Variants in STK32B observed in about 807,000 individuals in gnomAD.
STK32B encodes serine/threonine-protein kinase 32B.
Under a neutral mutation model 52.6 loss-of-function variants are expected in STK32B, and 43 were observed. That is an observed-to-expected ratio of 0.82 (90% CI 0.64 to 1.05). The LOEUF is 1.05. Ranked by LOEUF, STK32B falls within the 50% of genes least tolerant of loss-of-function variation. The pLI, the probability that STK32B is intolerant of heterozygous loss-of-function variation, is 0.00. For missense variants in STK32B, 621 were observed against 534.6 expected (o/e 1.16, Z -1.59); for synonymous variants, 238 against 204.3 (o/e 1.17, Z -1.41).
At chr4:5,022,803 G>A in the STK32B span, among the ~76,000 whole-genome samples, 1 of 152,066 alleles carries the variant, frequency 6.6e-6, no homozygotes, top group Non-Finnish European at 1.5e-5. Context: ...CACTGAGATG[G>A]GTGAAAAGAC....
chr4:5,297,243 C>T (rs1193035763), intron 3 of STK32B, among the ~76,000 whole-genome samples: 2 of 152,198 alleles, frequency 1.3e-5, no homozygotes, highest in African/African-American at 2.4e-5. Context: ...GTGAATCTGA[C>T]GATTGTATGT....
intron 3 of STK32B, among the ~76,000 whole-genome samples, chr4:5,284,783 A>C (rs1386511796): frequency 6.6e-6 from 1 of 152,188 alleles, no homozygotes; most frequent in African/African-American, 2.4e-5. Flanking sequence ...CTTTCCAGTA[A>C]ATTGCGTATC....
intron 4 of STK32B, among the ~76,000 whole-genome samples, chr4:5,354,252 G>T (rs1020844844): frequency 6.6e-6 from 1 of 152,108 alleles, no homozygotes; most frequent in Non-Finnish European, 1.5e-5. Context: ...GATTGCAGGG[G>T]GTGAAGAAAA....
At chr4:5,307,616 C>G (rs1730014678) in intron 3 of STK32B, among the ~76,000 whole-genome samples, 1 of 146,830 alleles carries the variant, frequency 6.8e-6, no homozygotes, top group Non-Finnish European at 1.5e-5. Flanking sequence ...AATAATTGAT[C>G]TGCTGAATCC....
chr4:5,337,162 A>AT (rs901550207), intron 4 of STK32B, among the ~76,000 whole-genome samples: 27 of 140,382 alleles, frequency 1.9e-4, no homozygotes, highest in South Asian at 6.8e-4. Flanking sequence ...TTTTTTTTGT[A>AT]TTTTTTTGTA....
At chr4:5,146,371 A>C (rs1005719271) in intron 2 of STK32B, among the ~76,000 whole-genome samples, 19 of 152,338 alleles carry the variant, frequency 1.2e-4, no homozygotes, top group African/African-American at 4.6e-4. Context: ...TGTAAGTCCA[A>C]GAATCCAAAA....
intron 7 of STK32B, among the ~76,000 whole-genome samples, chr4:5,448,151 C>G (rs1435355665): frequency 6.6e-6 from 1 of 152,216 alleles, no homozygotes; most frequent in Non-Finnish European, 1.5e-5. Context: ...CAACAATTTT[C>G]TGCTCTTGAT....
intron 3 of STK32B, among the ~76,000 whole-genome samples, chr4:5,172,925 A>T (rs1266524557): frequency 6.6e-6 from 1 of 152,168 alleles, no homozygotes; most frequent in Non-Finnish European, 1.5e-5. Context: ...TTCGGCTGTG[A>T]ATCCGTCTGG....
At chr4:5,148,890 C>T (rs761755615) in intron 2 of STK32B, among the ~76,000 whole-genome samples, 41 of 151,698 alleles carry the variant, frequency 2.7e-4, no homozygotes, top group Non-Finnish European at 4.3e-4. Flanking sequence ...GCTTCTTATA[C>T]GTTGAGATTT....
chr4:5,128,860 C>G (rs1398286835), intron 1 of STK32B, among the ~76,000 whole-genome samples: 1 of 152,194 alleles, frequency 6.6e-6, no homozygotes, highest in Admixed American at 6.5e-5. Context: ...CTGCTCTAAT[C>G]AGAGCCATGA....
chr4:5,299,464 A>G (rs1729416667), intron 3 of STK32B, among the ~76,000 whole-genome samples: 1 of 152,072 alleles, frequency 6.6e-6, no homozygotes. Context: ...AGACATGTCA[A>G]GTTTTATTCT....
chr4:5,496,789 A>C (rs73068462), intron 11 of STK32B, among the ~76,000 whole-genome samples: 1,581 of 151,790 alleles, frequency 0.01, 35 homozygotes, highest in African/African-American at 0.036. Context: ...TTAACATGGA[A>C]ATTTTTTCTT....
At chr4:5,047,187 A>C (rs563744599), upstream of STK32B, among the ~76,000 whole-genome samples, 2 of 152,332 alleles carry the variant, frequency 1.3e-5, no homozygotes, top group Admixed American at 1.3e-4. Flanking sequence ...TGTCCTTTGC[A>C]GGGACATGGA....
At chr4:5,270,942 C>T (rs1046629151) in intron 3 of STK32B, among the ~76,000 whole-genome samples, 2 of 151,956 alleles carry the variant, frequency 1.3e-5, no homozygotes, top group Non-Finnish European at 2.9e-5. Context: ...CTCCACACCC[C>T]CCGCCCCTCC....
intron 3 of STK32B, among the ~76,000 whole-genome samples, chr4:5,281,648 A>G (rs1321880451): frequency 6.6e-6 from 1 of 152,206 alleles, no homozygotes; most frequent in African/African-American, 2.4e-5. Flanking sequence ...TAATAATACC[A>G]TGATGTAAAT....
intron 1 of STK32B, among the ~76,000 whole-genome samples, chr4:5,112,769 A>G (rs1185555243): frequency 6.6e-6 from 1 of 152,220 alleles, no homozygotes; most frequent in African/African-American, 2.4e-5. Flanking sequence ...GATTGGAAAA[A>G]TGAACCACAG....
rs747851585 is a variant in STK32B, at chr4:5,460,265, C to T, written c.909+37C>T. ...TCCCACCTGATGTCATGCCACCCCT[C>T]TGCAGGGTCCCCGCCTTGGTGCAAA... On this transcript the variant is annotated intron_variant, in intron 9 of 11. Coordinates refer to ENST00000282908, the MANE Select transcript of STK32B (RefSeq NM_018401.3). This position sits in a 1 kb window ranked among gnomAD's most constrained non-coding sequence, Gnocchi z 4.8. 1.3e-6 allele frequency: 2 copies of T among 1,586,996 alleles called. No individual in the cohort carries two copies. Among genetic ancestry groups the T allele is most frequent in the Admixed American group, 1.7e-5 (1 of 58,230 alleles).
At chr4:5,112,488 A>G (rs1290040695) in intron 1 of STK32B, among the ~76,000 whole-genome samples, 1 of 152,146 alleles carries the variant, frequency 6.6e-6, no homozygotes, top group Non-Finnish European at 1.5e-5. Context: ...GGCTCAAGGC[A>G]GTCAGGCAGG....
intron 4 of STK32B, among the ~76,000 whole-genome samples, chr4:5,348,623 A>C (rs10034982): frequency 0.35 from 53,368 of 151,998 alleles, 11,949 homozygotes; most frequent in African/African-American, 0.64. Context: ...AAGTTGCCTG[A>C]TTACAGCTGC....
Sources: allele counts gnomAD v4.1 joint callset (sites outside exome capture counted in the v4.1 genomes callset), GRCh38; gene constraint gnomAD v4.1.1; non-coding constraint Gnocchi (gnomAD v3.1); transcripts MANE v1.5; gene names NCBI Gene and HGNC (gene_info 2026-07-23, HGNC 2026-07-21).